The following POLR2E variants were observed in gnomAD, a reference collection of about 807,000 sequenced individuals.
POLR2E encodes the protein DNA-directed RNA polymerases I, II, and III subunit RPABC1.
Under a neutral mutation model 29.8 loss-of-function variants are expected in POLR2E, and 35 were observed. That is an observed-to-expected ratio of 1.17 (90% CI 0.90 to 1.55). The LOEUF (loss-of-function observed/expected upper bound fraction) is 1.55, where lower values mean the gene tolerates loss of function less well. POLR2E is among the 40% of genes most tolerant of loss of function. The pLI is 0.00. For synonymous variants in POLR2E, 174 were observed against 112.6 expected (o/e 1.55, Z -3.45); for missense variants, 287 against 288.6 (o/e 0.99, Z 0.04).
rs2043850910 is a variant in POLR2E, at chr19:1,092,305, G to C, written c.233-398C>G. The C allele has an allele frequency of 2.6e-5, 5 of 189,724 alleles. No homozygotes were observed. The South Asian group carries it at 4.6e-4, about 17-fold the overall frequency. The allele number at this position is 189,724 out of a possible 1,614,324, so 11.8% of individuals were successfully genotyped here. Reference sequence around the variant, plus strand: ...GCATCACCTGAGGCCGGGTGCGGTGGCTCACACCTGTAATCCTAGCACTTT... The same window carrying C: ...GCATCACCTGAGGCCGGGTGCGGTGCCTCACACCTGTAATCCTAGCACTTT... On this transcript the variant is annotated intron_variant, in intron 2 of 7. Coordinates refer to ENST00000615234, the MANE Select transcript of POLR2E (RefSeq NM_002695.5).
At position 1,092,058 on chromosome 19, in the gene POLR2E, A is replaced by G. The variant is rs2043844467; in HGVS notation, c.233-151T>C. The G allele has an allele frequency of 6.4e-6, 4 of 621,764 alleles. No individual in the cohort carries two copies. The African/African-American group carries it at 7.3e-5, about 11-fold the overall frequency. The allele number at this position is 621,764 out of a possible 1,614,324, so 38.5% of individuals were successfully genotyped here. The stretch of plus-strand genomic sequence containing the variant: ...TTCCGCGTTTGCAAAACGAGGCCTG[A>G]GTTGCAGGATCCCAGGACAGGGGAA... On this transcript the variant is annotated intron_variant, in intron 2 of 7. Transcript: ENST00000615234.
chr19:1,092,617 G>A (rs900004682), intron 2 of POLR2E, among the ~76,000 whole-genome samples: 9 of 152,090 alleles, frequency 5.9e-5, no homozygotes, highest in Non-Finnish European at 1.2e-4. Flanking sequence ...GAACCCGGGA[G>A]GCAGAGCTTG....
Position 1,095,352 on chromosome 19 carries a change from T to A in POLR2E, c.-37A>T, listed in dbSNP as rs1568519866. ...CCGCCGCCGCCGCTCGCACCCCTTC[T>A]CCGCGCGAGAACCCGCGCGGACTGC... is the stretch of plus-strand genomic sequence containing the variant. On this transcript the variant is annotated 5_prime_UTR_variant, in exon 1 of 8. Coordinates refer to ENST00000615234, the MANE Select transcript of POLR2E (RefSeq NM_002695.5). 1.9e-6 allele frequency: 3 copies of A among 1,611,274 alleles called. No individual in the cohort carries two copies. The highest frequency in any genetic ancestry group is 2.5e-6 in the Non-Finnish European group (3 of 1,178,814).
intron 2 of POLR2E, among the ~76,000 whole-genome samples, chr19:1,093,357 G>A (rs1253050818): frequency 6.6e-6 from 1 of 152,256 alleles, no homozygotes; most frequent in Non-Finnish European, 1.5e-5. Flanking sequence ...AGGCAGACAG[G>A]TGCGGAGACT....
rs953729597 is a variant in POLR2E at position 1,086,919 on chromosome 19, C to G, written c.*1816G>C. 1 of 152,146 alleles carries G rather than the reference C, an allele frequency of 6.6e-6. No homozygotes were observed. Among genetic ancestry groups the G allele is most frequent in the Non-Finnish European group, 1.5e-5 (1 of 68,024 alleles). 9.4% of individuals were successfully genotyped at this position (152,146 alleles called of 1,614,324 possible). On this transcript the variant is annotated 3_prime_UTR_variant, in exon 8 of 8. Transcript: ENST00000615234. ...TCTCGATGACGGACGTATCCCCCGG[C>G]TCTAAGGTTTCGCACGTCAGCCCCA...
At chr19:1,088,830 C>T (rs1400591175) in intron 7 of POLR2E, 110 bp from the exon 8 acceptor site, 1 of 152,624 alleles carries the variant, frequency 6.6e-6, no homozygotes, top group Non-Finnish European at 1.5e-5. Context: ...GGAGGCGGCC[C>T]AGGCCGCAGT....
chr19:1,094,052 C>G lies in POLR2E; in HGVS notation c.84G>C (p.Val28=). The G allele has an allele frequency of 6.2e-7, 1 of 1,612,750 alleles. No homozygotes were observed. Among genetic ancestry groups the G allele is most frequent in the Non-Finnish European group, 8.5e-7 (1 of 1,179,490 alleles). ...GGGTCTGGTCAAGCTCGTCCTGGGT[C>G]ACCAGATAGCCACGGTCGTGGCACA... ...MQLCHDRGYL[V]TQDELDQTLE... is the part of the protein sequence containing the mutation. Residue 28 remains valine (V), a synonymous_variant, in exon 2 of 8, where the codon GTG becomes GTC. Coordinates refer to ENST00000615234, the MANE Select transcript of POLR2E (RefSeq NM_002695.5).
chr19:1,092,294 C>T (rs772575426), intron 2 of POLR2E: 14 of 190,066 alleles, frequency 7.4e-5, no homozygotes, highest in Non-Finnish European at 1.3e-4. Flanking sequence ...CACCTGAGGC[C>T]GGGTGCGGTG....
rs1373222302 is a variant in POLR2E, at chr19:1,088,452, G to A, written c.*283C>T. The A allele has an allele frequency of 6.6e-6, 1 of 152,322 alleles. No individual in the cohort carries two copies. Among genetic ancestry groups the A allele is most frequent in the East Asian group, 1.9e-4 (1 of 5,210 alleles). The allele number at this position is 152,322 out of a possible 1,614,324, so 9.4% of individuals were successfully genotyped here. ...AACAGAGGGGACCCAGCGTGGTCTG[G>A]GTGAAGACCCGGCACCAGCTGCCCC... is the stretch of plus-strand genomic sequence containing the variant. On this transcript the variant is annotated 3_prime_UTR_variant, in exon 8 of 8. Transcript: ENST00000615234.
Position 1,089,932 on chromosome 19 carries a change from G to C in POLR2E, c.519C>G (p.Ile173Met). The change falls in exon 6 of 8, where the codon ATC (isoleucine) becomes ATG (methionine). Residue 173 changes from isoleucine (I) to methionine (M), a missense_variant. Physicochemically the swap from Ile to Met is conservative, Grantham distance 10. Coordinates refer to ENST00000615234, the MANE Select transcript of POLR2E (RefSeq NM_002695.5). Reference protein sequence around the residue: ...YKLRENQLPRIQAGDPVARYF... With the variant: ...YKLRENQLPRMQAGDPVARYF... ...AGCGCGCCACAGGGTCCCCCGCCTG[G>C]ATCCTGGGCAGCTGGTTCTCTCGGA... 6.2e-7 allele frequency: 1 copy of C among 1,613,062 alleles called. No individual in the cohort carries two copies. The highest frequency in any genetic ancestry group is 1.1e-5 in the South Asian group (1 of 91,056).
rs371085811 is a variant in POLR2E, at chr19:1,092,429, C to T, written c.233-522G>A. The T allele has an allele frequency of 6.0e-4, 92 of 153,364 alleles. 2 individuals carry two copies. The highest frequency in any genetic ancestry group is 3.3e-3 in the South Asian group (17 of 5,106). 9.5% of individuals were successfully genotyped at this position (153,364 alleles called of 1,614,324 possible). The stretch of plus-strand genomic sequence containing the variant: ...CTCTATTAACAATACAGGATGGGCG[C>T]GGTGGCTCGCACCTGTAATCCCAGC... On this transcript the variant is annotated intron_variant, in intron 2 of 7. Coordinates refer to ENST00000615234, the MANE Select transcript of POLR2E (RefSeq NM_002695.5).
chr19:1,094,946 G>A (rs1469587166), intron 1 of POLR2E: 5 of 485,526 alleles, frequency 1.0e-5, no homozygotes, highest in African/African-American at 2.1e-5. Flanking sequence ...GAAGGGCAGA[G>A]TCTGGGGGCG....
At chr19:1,089,621 G>T in intron 6 of POLR2E, 70 bp from the exon 7 acceptor site, 1 of 1,331,428 alleles carries the variant, frequency 7.5e-7, no homozygotes, top group South Asian at 1.2e-5. Context: ...CAGCAGGCGG[G>T]CAGCACACGG....
intron 2 of POLR2E, among the ~76,000 whole-genome samples, chr19:1,093,259 A>AC (rs1056932947): frequency 2.6e-5 from 4 of 152,036 alleles, no homozygotes; most frequent in Non-Finnish European, 5.9e-5. Context: ...GTGCTCCGTC[A>AC]CCCCACTGAT....
intron 1 of POLR2E, chr19:1,094,990 TCGC>T: frequency 2.6e-6 from 1 of 380,388 alleles, no homozygotes; most frequent in Non-Finnish European, 4.7e-6. Context: ...CCTCCTCCTC[TCGC>T]CGCCACGCGC....
chr19:1,092,217 G>A (rs1448998988), intron 2 of POLR2E: 2 of 316,712 alleles, frequency 6.3e-6, no homozygotes, highest in Non-Finnish European at 1.2e-5. Context: ...TGGGGAGGCG[G>A]GTGACTCAGC....
At position 1,086,739 on chromosome 19, in the gene POLR2E, C is replaced by A. The variant is rs2043678941; in HGVS notation, c.*1996G>T. 6.6e-6 allele frequency: 1 copy of A among 152,180 alleles called. No homozygotes were observed. Among genetic ancestry groups the A allele is most frequent in the South Asian group, 2.1e-4 (1 of 4,838 alleles). The allele number at this position is 152,180 out of a possible 1,614,324, so 9.4% of individuals were successfully genotyped here. On this transcript the variant is annotated 3_prime_UTR_variant, in exon 8 of 8. Transcript: ENST00000615234. ...GCCCCGTGGCGTGGCCCTGGGCCTC[C>A]CCCTAGGGGAGGGATGTGTGAGGAA...
Position 1,093,944 on chromosome 19 carries a change from G to T in POLR2E, c.192C>A (p.His64Gln), listed in dbSNP as rs2043891521. The T allele has an allele frequency of 6.2e-7, 1 of 1,612,016 alleles. No individual in the cohort carries two copies. The highest frequency in any genetic ancestry group is 8.5e-7 in the Non-Finnish European group (1 of 1,179,308). ...RRTDLTVLVA[H>Q]NDDPTDQMFV... is the part of the protein sequence containing the mutation. ...ACATCTGGTCGGTGGGGTCATCGTT[G>T]TGGGCCACCAGCACGGTGAGGTCCG... Residue 64 changes from histidine to glutamine, a missense_variant, in exon 2 of 8, where the codon CAC becomes CAA. His to Gln is a conservative substitution (Grantham distance 24, BLOSUM62 0). Transcript: ENST00000615234.
intron 4 of POLR2E, 33 bp from the exon 5 acceptor site, chr19:1,090,178 A>G (rs751558653): frequency 1.9e-6 from 3 of 1,599,160 alleles, no homozygotes; most frequent in Non-Finnish European, 2.6e-6. Flanking sequence ...GGCATCACCA[A>G]GGGCTGGTGA....
Sources: gnomAD v4.1 joint callset for allele counts (sites outside exome capture counted in the v4.1 genomes callset) on GRCh38, gnomAD v4.1.1 for gene constraint, MANE v1.5 for transcripts, NCBI Gene and HGNC (gene_info 2026-07-23, HGNC 2026-07-21) for gene names.